The following ADGRD1 variants were observed in gnomAD, a reference collection of about 807,000 sequenced individuals.
ADGRD1 encodes the protein G-protein coupled receptor 133.
Under a neutral mutation model 113.4 loss-of-function variants are expected in ADGRD1, and 77 were observed. The observed-to-expected ratio is 0.68, with a 90% CI of 0.57 to 0.82. ADGRD1 has a LOEUF of 0.82. ADGRD1 is among the 40% of genes least tolerant of loss of function. The pLI, the probability that ADGRD1 is intolerant of heterozygous loss-of-function variation, is 0.00. For missense variants in ADGRD1, 1,036 were observed against 1,139.1 expected (o/e 0.91, Z 1.30); for synonymous variants, 474 against 475.0 (o/e 1.00, Z 0.03).
rs1884018945 is a variant in ADGRD1 at position 131,057,965 on chromosome 12, C to T, written c.1474-18836C>T. On this transcript the variant is annotated intron_variant, in intron 13 of 24. Transcript: ENST00000261654. This position sits in a 1 kb window ranked among gnomAD's most constrained non-coding sequence, Gnocchi z 4.2. Reference sequence around the variant, plus strand: ...TTCATGTTTTTCCTTGTCTATGCACCAGGGAGAATGAGCTTCTGTTATTTT... The same window carrying T: ...TTCATGTTTTTCCTTGTCTATGCACTAGGGAGAATGAGCTTCTGTTATTTT... 6.6e-6 allele frequency among the ~76,000 whole-genome samples: 1 copy of T among 152,118 alleles called. No homozygotes were observed. Among genetic ancestry groups the T allele is most frequent in the Non-Finnish European group, 1.5e-5 (1 of 68,034 alleles).
intron 15 of ADGRD1, among the ~76,000 whole-genome samples, chr12:131,102,230 C>CT (rs1274825044): frequency 2.6e-5 from 4 of 152,174 alleles, no homozygotes; most frequent in Non-Finnish European, 5.9e-5. Context: ...GGCCTAGAAA[C>CT]TGAGTTCCCT....
intron 15 of ADGRD1, among the ~76,000 whole-genome samples, chr12:131,091,046 C>T (rs1051420765): frequency 1.3e-5 from 2 of 152,182 alleles, no homozygotes; most frequent in Non-Finnish European, 2.9e-5. Context: ...AGTAGATCTG[C>T]ATCCAGACCC....
chr12:131,059,962 T>G (rs1407722348), intron 13 of ADGRD1, among the ~76,000 whole-genome samples: 1 of 152,252 alleles, frequency 6.6e-6, no homozygotes, highest in Admixed American at 6.5e-5. Flanking sequence ...TCCTGGACAC[T>G]TTGGTTATTA....
intron 20 of ADGRD1, among the ~76,000 whole-genome samples, chr12:131,123,695 G>T (rs978670016): frequency 1.3e-5 from 2 of 152,046 alleles, no homozygotes; most frequent in Non-Finnish European, 2.9e-5. Flanking sequence ...GGTGGCGGGT[G>T]CCTGTAGTCC....
At chr12:130,991,115 T>A (rs771843328) in intron 7 of ADGRD1, 37 bp downstream of exon 7, 1 of 1,562,226 alleles carries the variant, frequency 6.4e-7, no homozygotes. Context: ...CCCTTGCTGA[T>A]GTTCTTCTGC....
chr12:131,054,994 C>T (rs1292802857), intron 13 of ADGRD1, among the ~76,000 whole-genome samples: 5 of 152,200 alleles, frequency 3.3e-5, no homozygotes, highest in African/African-American at 7.2e-5. Flanking sequence ...GCACAAGTCT[C>T]GACTGAGCTT....
Position 131,120,670 on chromosome 12 carries a change from T to G in ADGRD1, c.2109-177T>G, listed in dbSNP as rs1049682754. 5 of 679,652 alleles carry G rather than the reference T, an allele frequency of 7.4e-6. No individual in the cohort carries two copies. The African/African-American group carries it at 8.8e-5, about 12-fold the overall frequency. 42.1% of individuals were successfully genotyped at this position (679,652 alleles called of 1,614,324 possible). A position where few individuals can be genotyped will look rare whatever the true frequency, so the allele number is the denominator to read the frequency against. ...AAACCTGGAAAATCCTTTCCAAGAA[T>G]GAGACGTGGGATCATCATGGATAAA... On this transcript the variant is annotated intron_variant, in intron 19 of 24. Transcript: ENST00000261654.
At chr12:131,085,321 G>A (rs1451972731) in intron 15 of ADGRD1, among the ~76,000 whole-genome samples, 1 of 152,162 alleles carries the variant, frequency 6.6e-6, no homozygotes, top group African/African-American at 2.4e-5. Flanking sequence ...GGGGCAGAAT[G>A]TTCTAGGCCA....
intron 13 of ADGRD1, among the ~76,000 whole-genome samples, chr12:131,063,547 GTTGT>G (rs1566076538): frequency 6.6e-6 from 1 of 152,182 alleles, no homozygotes; most frequent in African/African-American, 2.4e-5. Flanking sequence ...TTGAATTGCT[GTTGT>G]TTCTTTGCCA....
At chr12:131,002,707 GC>G in intron 9 of ADGRD1, 1 of 1,223,790 alleles carries the variant, frequency 8.2e-7, no homozygotes, top group Non-Finnish European at 1.0e-6. Context: ...AGTCAAGGCA[GC>G]CAGAGATAGC....
intron 13 of ADGRD1, among the ~76,000 whole-genome samples, chr12:131,043,888 G>A (rs1882400455): frequency 6.6e-6 from 1 of 152,206 alleles, no homozygotes; most frequent in African/African-American, 2.4e-5. Flanking sequence ...CCTGGGATGA[G>A]TGGGAAGTGC....
chr12:131,056,314 A>G (rs548583845), intron 13 of ADGRD1, among the ~76,000 whole-genome samples: 1 of 152,222 alleles, frequency 6.6e-6, no homozygotes, highest in Non-Finnish European at 1.5e-5. Context: ...AAGTTGCGGC[A>G]TTGGAAACAG....
intron 4 of ADGRD1, among the ~76,000 whole-genome samples, chr12:130,974,970 G>C (rs1872138101): frequency 6.6e-6 from 1 of 152,054 alleles, no homozygotes; most frequent in Admixed American, 6.6e-5. Context: ...CTGCTAATGG[G>C]GCAAGCTTTG....
chr12:131,101,677 C>G (rs1393289537), intron 15 of ADGRD1, among the ~76,000 whole-genome samples: 1 of 152,116 alleles, frequency 6.6e-6, no homozygotes, highest in African/African-American at 2.4e-5. Context: ...GCCACTGTGT[C>G]TGGCCTCCAT....
Position 131,041,964 on chromosome 12 carries a change from G to A in ADGRD1, c.1473+27624G>A, listed in dbSNP as rs1302693623. ...GAGGAGAAGGCGCCGATGACCTAGG[G>A]TTCCTTCGCAGTCGGGTTTGTTATC... On this transcript the variant is annotated intron_variant, in intron 13 of 24. Transcript: ENST00000261654. The surrounding 1 kb of genome is among the most constrained non-coding windows in gnomAD (Gnocchi z 4.4). 6.6e-6 allele frequency among the ~76,000 whole-genome samples: 1 copy of A among 152,182 alleles called. No homozygotes were observed. The highest frequency in any genetic ancestry group is 2.4e-5 in the African/African-American group (1 of 41,440).
intron 15 of ADGRD1, among the ~76,000 whole-genome samples, chr12:131,088,296 G>C (rs950166443): frequency 6.6e-6 from 1 of 152,234 alleles, no homozygotes; most frequent in Non-Finnish European, 1.5e-5. Flanking sequence ...GTAGCACCCG[G>C]GCCATGGGGA....
intron 4 of ADGRD1, among the ~76,000 whole-genome samples, chr12:130,979,817 TCACACACACACACACACACA>T (rs10526212): frequency 1.7e-4 from 9 of 53,842 alleles, no homozygotes; most frequent in East Asian, 1.7e-3. Context: ...AGCTAGTGTC[TCACACACACACACACACACA>T]CACACACACA....
At chr12:131,110,442 C>CT (rs1950325037) in intron 18 of ADGRD1, among the ~76,000 whole-genome samples, 1 of 151,836 alleles carries the variant, frequency 6.6e-6, no homozygotes, top group East Asian at 1.9e-4. Context: ...CAAATTTATA[C>CT]TAAATTATAA....
Position 130,981,969 on chromosome 12 carries a change from T to C in ADGRD1, c.396T>C (p.Asn132=), listed in dbSNP as rs371550329. ...PSAYGGQVIS[N]GFKVCSSGGR... ...CGTATGGGGGACAGGTCATCTCCAA[T>C]GGGTTCAAAGTCTGCTCCAGCGGTG... is the stretch of plus-strand genomic sequence containing the variant. The change falls in exon 5 of 25, where the codon AAT becomes AAC. Residue 132 remains asparagine, a synonymous_variant. Coordinates refer to ENST00000261654, the MANE Select transcript of ADGRD1 (RefSeq NM_198827.5). 3.2e-5 allele frequency: 51 copies of C among 1,613,600 alleles called. No homozygotes were observed. The highest frequency in any genetic ancestry group is 4.2e-5 in the Non-Finnish European group (50 of 1,179,662).
Sources: gnomAD v4.1 joint callset for allele counts (sites outside exome capture counted in the v4.1 genomes callset) on GRCh38, gnomAD v4.1.1 for gene constraint, Gnocchi (gnomAD v3.1) non-coding constraint, MANE v1.5 for transcripts, NCBI Gene and HGNC (gene_info 2026-07-23, HGNC 2026-07-21) for gene names.